AXL: variants seen among roughly 807,000 people sequenced by gnomAD.
AXL encodes tyrosine-protein kinase receptor UFO.
AXL carries 52 observed loss-of-function variants against 104.5 expected under a neutral mutation model. That is an observed-to-expected ratio of 0.50 (90% confidence interval 0.40 to 0.63). The LOEUF is 0.63. AXL is among the 20% of genes least tolerant of loss of function. The pLI is 0.00. For synonymous variants in AXL, 455 were observed against 473.7 expected, an observed-to-expected ratio of 0.96 and a Z score of 0.51; for missense variants, 1,024 against 1,188.5, an observed-to-expected ratio of 0.86 and a Z score of 2.04.
intron 17 of AXL, among the ~76,000 whole-genome samples, chr19:41,255,300 C>T (rs1419099642): frequency 3.3e-5 from 5 of 151,606 alleles, no homozygotes; most frequent in Non-Finnish European, 7.4e-5. Flanking sequence ...TTCTTTTTTT[C>T]TCTTTCTTTC....
chr19:41,225,698 A>C (rs2033866966), intron 4 of AXL, among the ~76,000 whole-genome samples: 1 of 152,032 alleles, frequency 6.6e-6, no homozygotes, highest in Non-Finnish European at 1.5e-5. Flanking sequence ...CCGCGTGTAT[A>C]TGTGTGAGTC....
rs869213717 is a variant in AXL at position 41,260,298 on chromosome 19, CTTTTTTTTTTTTTT to C, written c.*412_*425del. 4.5e-4 allele frequency: 22 copies of C among 48,628 alleles called. No homozygotes were observed. The highest frequency in any genetic ancestry group is 3.5e-3 in the East Asian group (7 of 1,994). The allele number at this position is 48,628 out of a possible 1,614,324, so 3.0% of individuals were successfully genotyped here. On this transcript the variant is annotated 3_prime_UTR_variant, in exon 20 of 20. Transcript: ENST00000301178. ...TAAAGTGCTAAGGTTCTAAGGCCTA[CTTTTTTTTTTTTTT>C]TTTTTTTTTTTTTTTTTGCGATAGA...
Position 41,237,846 on chromosome 19 carries a change from AGTT to A in AXL, c.784-95_784-93del, listed in dbSNP as rs1340080346. On this transcript the variant is annotated intron_variant, in intron 6 of 19. Transcript: ENST00000301178. ...CTGCAACACACACGCACCCTTGAAA[AGTT>A]GTGTAGTCACACCAGACCACCACCA... 5.2e-6 allele frequency: 6 copies of A among 1,155,346 alleles called. No individual in the cohort carries two copies. The African/African-American group carries it at 9.2e-5, about 18-fold the overall frequency. 71.6% of individuals were successfully genotyped at this position (1,155,346 alleles called of 1,614,324 possible).
At position 41,231,259 on chromosome 19, in the gene AXL, C is replaced by G. The variant is rs751290925; in HGVS notation, c.744C>G (p.Gly248=). The change falls in exon 6 of 20, where the codon GGC becomes GGG. Residue 248 remains glycine, a synonymous_variant. Transcript: ENST00000301178. ...PTELEVAWTP[G]LSGIYPLTHC... ...AGCTGGAGGTGGCTTGGACTCCAGG[C>G]CTGAGCGGCATCTACCCCCTGACCC... 2 of 1,613,682 alleles carry G rather than the reference C, an allele frequency of 1.2e-6. No homozygotes were observed. The highest frequency in any genetic ancestry group is 2.7e-5 in the African/African-American group (2 of 74,892).
At chr19:41,254,612 A>G (rs2034425173) in intron 17 of AXL, among the ~76,000 whole-genome samples, 1 of 151,816 alleles carries the variant, frequency 6.6e-6, no homozygotes, top group Non-Finnish European at 1.5e-5. Flanking sequence ...AGGGAATGGA[A>G]CCACAGAGTT....
intron 3 of AXL, 186 bp downstream of exon 3, chr19:41,221,432 A>T (rs2033789316): frequency 1.8e-6 from 1 of 571,394 alleles, no homozygotes. Flanking sequence ...CATATAAGTT[A>T]TGGTGCCAAG....
chr19:41,257,244 A>G (rs573365471), intron 18 of AXL, among the ~76,000 whole-genome samples: 3 of 151,958 alleles, frequency 2.0e-5, no homozygotes, highest in Non-Finnish European at 4.4e-5. Flanking sequence ...GGGTTTCACT[A>G]TATTGGCCAG....
chr19:41,226,955 G>C (rs2033892807), intron 4 of AXL: 1 of 269,610 alleles, frequency 3.7e-6, no homozygotes, highest in Admixed American at 6.5e-5. Context: ...TGAAAAGTTA[G>C]CCAAGTGTGG....
chr19:41,256,492 C>T lies in AXL; in HGVS notation c.2077C>T (p.Leu693Phe). ...GTCCGTGTGTGTGGCGGACTTCGGG[C>T]TCTCCAAGAAGATCTACAATGGGGA... ...NMSVCVADFG[L>F]SKKIYNGDYY... is the part of the protein sequence containing the mutation. Residue 693 changes from leucine to phenylalanine, a missense_variant, in exon 18 of 20, where the codon CTC becomes TTC. By Grantham distance (22) the Leu-to-Phe change is conservative. Coordinates refer to ENST00000301178, the MANE Select transcript of AXL (RefSeq NM_021913.5). 1.2e-6 allele frequency: 2 copies of T among 1,614,084 alleles called. No homozygotes were observed. Among genetic ancestry groups the T allele is most frequent in the Non-Finnish European group, 1.7e-6 (2 of 1,179,980 alleles).
intron 12 of AXL, among the ~76,000 whole-genome samples, chr19:41,244,858 T>C (rs983418454): frequency 6.6e-5 from 10 of 151,994 alleles, no homozygotes; most frequent in Non-Finnish European, 1.5e-4. Flanking sequence ...GTTAAGTCAC[T>C]TGCCCAAGGC....
chr19:41,220,218 TTCTCCCTCCGCCACCACCCTTA>T (rs1387960527), intron 1 of AXL, among the ~76,000 whole-genome samples: 30 of 150,760 alleles, frequency 2.0e-4, no homozygotes, highest in Non-Finnish European at 2.8e-4. Flanking sequence ...TTTCTCTGGC[TTCTCCCTCCGCCACCACCCTTA>T]TCTCCCCCCA....
At position 41,256,564 on chromosome 19, in the gene AXL, G is replaced by T. The variant is rs771515274; in HGVS notation, c.2149G>T (p.Ala717Ser). ...CGCCAAGATGCCAGTCAAGTGGATTGCCATTGAGAGTCTAGCTGACCGTGT... is the reference window on the plus strand; with the variant it reads ...CGCCAAGATGCCAGTCAAGTGGATTTCCATTGAGAGTCTAGCTGACCGTGT... ...RIAKMPVKWI[A>S]IESLADRVYT... Residue 717 changes from alanine to serine, a missense_variant, in exon 18 of 20, where the codon GCC (alanine) becomes TCC (serine). By Grantham distance (99) the Ala-to-Ser change is moderately conservative. This residue lies in a region of AXL where 523 missense variants were observed against 636.0 expected (regional missense o/e 0.82). Transcript: ENST00000301178. 2 of 1,614,008 alleles carry T rather than the reference G, an allele frequency of 1.2e-6. No homozygotes were observed. Among genetic ancestry groups the T allele is most frequent in the Admixed American group, 1.7e-5 (1 of 59,996 alleles).
At chr19:41,230,907 G>T in intron 4 of AXL, 60 bp from the exon 5 acceptor site, 2 of 1,560,266 alleles carry the variant, frequency 1.3e-6, no homozygotes, top group Non-Finnish European at 1.8e-6. Flanking sequence ...GCCCGGCATG[G>T]CCCCGGAGCC....
chr19:41,239,600 T>A (rs2034145753), intron 9 of AXL, 94 bp from the exon 10 acceptor site: 1 of 1,511,118 alleles, frequency 6.6e-7, no homozygotes, highest in Non-Finnish European at 9.2e-7. Context: ...ACACCCTCAC[T>A]CCCTTACCCG....
At chr19:41,234,798 C>G (rs1008026807) in intron 6 of AXL, among the ~76,000 whole-genome samples, 2 of 152,186 alleles carry the variant, frequency 1.3e-5, no homozygotes, top group African/African-American at 4.8e-5. Flanking sequence ...TGGCAGTAAA[C>G]TCCTTCCTGA....
rs1305030495 is a variant in AXL at position 41,220,682 on chromosome 19, C to T, written c.132C>T (p.Ile44=). ...CCTTCGTGGGCAACCCAGGGAATAT[C>T]ACAGGTGCCCGGGGACTCACGGGCA... ...ESPFVGNPGN[I]TGARGLTGTL... The change falls in exon 2 of 20, where the codon ATC becomes ATT. Residue 44 remains isoleucine (I), a synonymous_variant. Coordinates refer to ENST00000301178, the MANE Select transcript of AXL (RefSeq NM_021913.5). 12 of 1,609,546 alleles carry T rather than the reference C, an allele frequency of 7.5e-6. 1 individual carries two copies. In the East Asian group the frequency reaches 2.7e-4, roughly 36 times the overall value.
At chr19:41,255,431 C>A (rs965238327) in intron 17 of AXL, among the ~76,000 whole-genome samples, 5 of 148,436 alleles carry the variant, frequency 3.4e-5, no homozygotes, top group Non-Finnish European at 1.5e-5. Flanking sequence ...CCTTTCTTTC[C>A]CTTTTTTTCT....
chr19:41,258,840 G>T (rs551263789), intron 19 of AXL, among the ~76,000 whole-genome samples: 14 of 152,318 alleles, frequency 9.2e-5, no homozygotes, highest in African/African-American at 3.4e-4. Flanking sequence ...TTGGATACTG[G>T]GAACAGCTTA....
intron 6 of AXL, among the ~76,000 whole-genome samples, chr19:41,236,518 C>T (rs1322236712): frequency 6.6e-6 from 1 of 151,714 alleles, no homozygotes; most frequent in Admixed American, 6.6e-5. Context: ...CGGTGGCTCA[C>T]ACCTGTAATC....
Sources: allele counts gnomAD v4.1 joint callset (sites outside exome capture counted in the v4.1 genomes callset), GRCh38; gene constraint gnomAD v4.1.1; regional missense constraint gnomAD v4.1.1; transcripts MANE v1.5; gene names NCBI Gene and HGNC (gene_info 2026-07-23, HGNC 2026-07-21).